GRIK2: variants seen among roughly 807,000 people sequenced by gnomAD.
GRIK2 encodes the protein glutamate ionotropic receptor kainate type subunit 2, also known as glutamate receptor ionotropic, kainate 2.
Under a neutral mutation model 100.3 loss-of-function variants are expected in GRIK2, and 32 were observed. That is an observed-to-expected ratio of 0.32 (90% CI 0.24 to 0.43). The LOEUF is 0.43. GRIK2 is among the 20% of genes least tolerant of loss of function. GRIK2 has a pLI of 1.00. For synonymous variants in GRIK2, 417 were observed against 389.4 expected (o/e 1.07, Z -0.83); for missense variants, 843 against 1,114.9 (o/e 0.76, Z 3.47).
chr6:101,667,206 T>C (rs955892283), intron 4 of GRIK2, among the ~76,000 whole-genome samples: 3 of 152,104 alleles, frequency 2.0e-5, no homozygotes, highest in Admixed American at 2.0e-4. Flanking sequence ...CAAAAGGGTG[T>C]CTAGTTAGTG....
chr6:101,432,379 T>C (rs923384502), intron 2 of GRIK2, among the ~76,000 whole-genome samples: 3 of 152,144 alleles, frequency 2.0e-5, no homozygotes, highest in African/African-American at 7.2e-5. Context: ...TCCTTTGGAG[T>C]ATTCTTAAGT....
chr6:101,395,794 T>C (rs1774979717), intron 1 of GRIK2, among the ~76,000 whole-genome samples: 1 of 152,150 alleles, frequency 6.6e-6, no homozygotes, highest in African/African-American at 2.4e-5. Context: ...TTTTGAGGTA[T>C]ACTTCTAAAT....
At chr6:101,410,824 T>A (rs116485312) in intron 2 of GRIK2, among the ~76,000 whole-genome samples, 509 of 152,168 alleles carry the variant, frequency 3.3e-3, no homozygotes, top group African/African-American at 0.012. Flanking sequence ...TTGGGAAAAT[T>A]GCCTGACTGT....
At chr6:101,991,110 T>A (rs558097245) in intron 14 of GRIK2, among the ~76,000 whole-genome samples, 1 of 152,008 alleles carries the variant, frequency 6.6e-6, no homozygotes, top group African/African-American at 2.4e-5. Flanking sequence ...AAGTATGGAT[T>A]CTGATAGTTT....
At chr6:101,733,230 G>C (rs758653466) in intron 7 of GRIK2, among the ~76,000 whole-genome samples, 2 of 152,042 alleles carry the variant, frequency 1.3e-5, no homozygotes, top group Non-Finnish European at 2.9e-5. Context: ...TCAGATATGG[G>C]TGAGACTCAA....
intron 7 of GRIK2, among the ~76,000 whole-genome samples, chr6:101,769,096 T>G (rs1043929943): frequency 4.6e-5 from 7 of 152,190 alleles, no homozygotes; most frequent in African/African-American, 1.4e-4. Context: ...TTAAGGGTAT[T>G]CCTTCTGGTT....
intron 14 of GRIK2, among the ~76,000 whole-genome samples, chr6:101,968,340 T>C (rs1220934820): frequency 2.0e-5 from 3 of 152,046 alleles, no homozygotes; most frequent in Non-Finnish European, 2.9e-5. Flanking sequence ...TTAGGAGTTA[T>C]ATTTCCTACA....
At chr6:101,872,565 G>A (rs1253589289) in intron 11 of GRIK2, among the ~76,000 whole-genome samples, 3 of 151,828 alleles carry the variant, frequency 2.0e-5, no homozygotes, top group South Asian at 2.1e-4. Flanking sequence ...CACAATTCAA[G>A]ATTAGATTTG....
intron 9 of GRIK2, among the ~76,000 whole-genome samples, chr6:101,803,659 C>T (rs1358144743): frequency 6.6e-6 from 1 of 151,780 alleles, no homozygotes; most frequent in Non-Finnish European, 1.5e-5. Context: ...GATGTTATTA[C>T]TTTATTTATT....
intron 7 of GRIK2, among the ~76,000 whole-genome samples, chr6:101,780,927 A>G (rs1351980636): frequency 6.6e-6 from 1 of 152,212 alleles, no homozygotes; most frequent in Non-Finnish European, 1.5e-5. Flanking sequence ...GCTAGGGGTT[A>G]TAAGAATGTC....
At chr6:101,752,038 C>T (rs1776821429) in intron 7 of GRIK2, among the ~76,000 whole-genome samples, 1 of 152,074 alleles carries the variant, frequency 6.6e-6, no homozygotes. Context: ...CCCATTCATA[C>T]AATTTCATGT....
chr6:101,540,305 A>G lies in GRIK2; in HGVS notation c.116-81644A>G, dbSNP rs552441493. ...AGAACATAATTTTCATTGAAAAGCT[A>G]CATAAACATTATAAGACCTAGTACT... On this transcript the variant is annotated intron_variant, in intron 2 of 16. Transcript: ENST00000369134. Among the ~76,000 whole-genome samples, 99 of 152,048 alleles carry G rather than the reference A, an allele frequency of 6.5e-4. 2 individuals carry two copies. The South Asian group carries it at 0.011, about 16-fold the overall frequency.
intron 10 of GRIK2, among the ~76,000 whole-genome samples, chr6:101,831,779 C>A (rs1782714593): frequency 6.6e-6 from 1 of 151,974 alleles, no homozygotes; most frequent in African/African-American, 2.4e-5. Context: ...TATTGATATG[C>A]AATGAAAATA....
At chr6:101,864,254 G>A (rs1784918705) in intron 11 of GRIK2, among the ~76,000 whole-genome samples, 1 of 152,130 alleles carries the variant, frequency 6.6e-6, no homozygotes, top group Admixed American at 6.6e-5. Flanking sequence ...AGCAGAGTTT[G>A]GGTATATTTG....
chr6:102,023,452 G>A (rs776072697), intron 14 of GRIK2, among the ~76,000 whole-genome samples: 3 of 151,512 alleles, frequency 2.0e-5, no homozygotes, highest in Non-Finnish European at 4.4e-5. Flanking sequence ...GTAACAAACA[G>A]AAGGAGAAGA....
chr6:101,425,473 G>A (rs1205622361), intron 2 of GRIK2, among the ~76,000 whole-genome samples: 1 of 152,054 alleles, frequency 6.6e-6, no homozygotes, highest in Non-Finnish European at 1.5e-5. Flanking sequence ...TCACTCACAA[G>A]AGCAACTTCA....
intron 4 of GRIK2, among the ~76,000 whole-genome samples, chr6:101,667,792 A>G (rs1770140684): frequency 6.6e-6 from 1 of 152,192 alleles, no homozygotes; most frequent in Non-Finnish European, 1.5e-5. Context: ...AGAGATTTTA[A>G]TATGGGGATA....
At chr6:102,035,007 G>C (rs1050097050) in intron 14 of GRIK2, among the ~76,000 whole-genome samples, 7 of 151,238 alleles carry the variant, frequency 4.6e-5, no homozygotes. Context: ...TAAGAGACAA[G>C]CACAAAGAAC....
rs970098524 is a variant in GRIK2, at chr6:101,495,807, C to CT, written c.115+96426dup. Reference sequence around the variant, plus strand: ...GTTGGGTTCCATTATACAAACACACCTTTTTTTTTTTAACATAAGATTTTT... The same window carrying CT: ...GTTGGGTTCCATTATACAAACACACCTTTTTTTTTTTTAACATAAGATTTTT... On this transcript the variant is annotated intron_variant, in intron 2 of 16. Coordinates refer to ENST00000369134, the MANE Select transcript of GRIK2 (RefSeq NM_021956.5). Among the ~76,000 whole-genome samples, 640 of 145,210 alleles carry CT rather than the reference C, an allele frequency of 4.4e-3. 2 individuals carry two copies. The highest frequency in any genetic ancestry group is 7.3e-3 in the South Asian group (33 of 4,550).
Sources: allele counts gnomAD v4.1 joint callset (sites outside exome capture counted in the v4.1 genomes callset), GRCh38; gene constraint gnomAD v4.1.1; transcripts MANE v1.5; gene names NCBI Gene and HGNC (gene_info 2026-07-23, HGNC 2026-07-21).